COA1: variants seen among roughly 807,000 people sequenced by gnomAD.
COA1 encodes cytochrome c oxidase assembly factor 1 homolog.
COA1 carries 13 observed loss-of-function variants against 16.0 expected under a neutral mutation model. The ratio of observed to expected loss-of-function variants is 0.81; its 90% confidence interval spans 0.53 to 1.29. The LOEUF (loss-of-function observed/expected upper bound fraction) is 1.29, where lower values mean the gene tolerates loss of function less well. Among genes scored for constraint, COA1 ranks in the 50% most tolerant of loss-of-function variants. COA1 has a pLI of 0.00. For missense variants in COA1, 179 were observed against 177.0 expected (o/e 1.01, Z -0.06); for synonymous variants, 65 against 65.7 (o/e 0.99, Z 0.05).
intron 1 of COA1, among the ~76,000 whole-genome samples, chr7:43,678,649 G>A (rs1264753111): frequency 3.3e-5 from 5 of 152,046 alleles, no homozygotes; most frequent in Non-Finnish European, 7.4e-5. Flanking sequence ...AATGGGAAGA[G>A]GATTTGAACA....
In COA1 at chr7:43,647,679, G is replaced by A. The variant is rs201590162; in HGVS notation, c.16-45C>T. The A allele has an allele frequency of 3.9e-5, 59 of 1,502,334 alleles. No individual in the cohort carries two copies. The East Asian group carries it at 1.2e-3, about 30-fold the overall frequency. 93.1% of individuals were successfully genotyped at this position (1,502,334 alleles called of 1,614,324 possible). A position where few individuals can be genotyped will look rare whatever the true frequency, so the allele number is the denominator to read the frequency against. On this transcript the variant is annotated intron_variant, in intron 2 of 5. Transcript: ENST00000223336. ...AATTTATTGTAGGATTCCCAGTTTT[G>A]TGCCAAGGGGATTTGCCCGGCTTGG...
chr7:43,723,073 G>A (rs977297170), intron 1 of COA1, among the ~76,000 whole-genome samples: 1 of 152,196 alleles, frequency 6.6e-6, no homozygotes, highest in Non-Finnish European at 1.5e-5. Flanking sequence ...ATATTAAACT[G>A]AGACCTTATG....
At chr7:43,658,369 T>A (rs1400817912) in intron 1 of COA1, among the ~76,000 whole-genome samples, 4 of 150,352 alleles carry the variant, frequency 2.7e-5, no homozygotes, top group Non-Finnish European at 5.9e-5. Context: ...AAAAAAAAAA[T>A]TTACCACTGA....
intron 6 of COA1, among the ~76,000 whole-genome samples, chr7:43,612,607 A>C (rs10264657): frequency 0.15 from 22,159 of 152,298 alleles, 2,182 homozygotes; most frequent in Non-Finnish European, 0.21. Context: ...ATGCTGGTTA[A>C]AATGGGAAAC....
chr7:43,710,171 G>C (rs2095169781), intron 1 of COA1, among the ~76,000 whole-genome samples: 1 of 148,624 alleles, frequency 6.7e-6, no homozygotes, highest in Non-Finnish European at 1.5e-5. Flanking sequence ...CCAACATGGT[G>C]AAACCCTGCC....
chr7:43,697,166 A>C (rs2094557089), intron 1 of COA1, among the ~76,000 whole-genome samples: 1 of 152,148 alleles, frequency 6.6e-6, no homozygotes. Context: ...AGCCTGGCAA[A>C]TATGTAAAAA....
chr7:43,691,427 AAGAAAGAAAGAAAGAAAG>A (rs1563385884), intron 1 of COA1, among the ~76,000 whole-genome samples: 12 of 61,456 alleles, frequency 2.0e-4, no homozygotes, highest in African/African-American at 7.2e-4. Flanking sequence ...AAGAAAAAGA[AAGAAAGAAAGAAAGAAAG>A]AAAGAAAGAA....
Position 43,639,674 on chromosome 7 carries a change from G to C in COA1, c.349C>G (p.Leu117Val). The change falls in exon 6 of 6, where the codon CTT becomes GTT. Residue 117 changes from leucine (L) to valine (V), a missense_variant. Transcript: ENST00000223336. ...TTGAGCTCTAAAAAGACCTCGTCAA[G>C]GTGCCACCTGAGAGAAACCAAAAGT... ...SRGGPFQRWH[L>V]DEVFLELKDG... 1 of 1,613,606 alleles carries C rather than the reference G, an allele frequency of 6.2e-7. No homozygotes were observed. The highest frequency in any genetic ancestry group is 2.2e-5 in the East Asian group (1 of 44,870).
chr7:43,718,431 T>A (rs1199581162), intron 1 of COA1, among the ~76,000 whole-genome samples: 1 of 152,208 alleles, frequency 6.6e-6, no homozygotes, highest in Non-Finnish European at 1.5e-5. Flanking sequence ...TCACATCTAA[T>A]ACTATTGACC....
chr7:43,624,023 A>T, intron 6 of COA1: 1 of 600,682 alleles, frequency 1.7e-6, no homozygotes, highest in Non-Finnish European at 2.5e-6. Context: ...TAATGGAAAC[A>T]CAAAAATGTT....
intron 1 of COA1, among the ~76,000 whole-genome samples, chr7:43,720,773 G>C (rs1199125324): frequency 6.6e-6 from 1 of 152,206 alleles, no homozygotes; most frequent in East Asian, 1.9e-4. Context: ...TATACTGCCA[G>C]ACATTAAGTT....
At chr7:43,610,879 G>A (rs932508330) in intron 6 of COA1, among the ~76,000 whole-genome samples, 2 of 152,156 alleles carry the variant, frequency 1.3e-5, no homozygotes, top group African/African-American at 4.8e-5. Context: ...CACTTTGGGA[G>A]GTCAAGGAGG....
At chr7:43,665,137 A>T (rs1447972800) in intron 1 of COA1, among the ~76,000 whole-genome samples, 6 of 152,210 alleles carry the variant, frequency 3.9e-5, no homozygotes, top group Non-Finnish European at 7.3e-5. Flanking sequence ...TGGTGGAAAA[A>T]AAAATTTCAT....
chr7:43,645,186 G>A (rs989864759), intron 4 of COA1, 65 bp downstream of exon 4: 1 of 1,520,424 alleles, frequency 6.6e-7, no homozygotes, highest in Non-Finnish European at 9.0e-7. Flanking sequence ...GACTTTCCAG[G>A]AGACAGTAGA....
chr7:43,706,906 C>T (rs886564552), intron 1 of COA1, among the ~76,000 whole-genome samples: 3 of 151,876 alleles, frequency 2.0e-5, no homozygotes, highest in African/African-American at 7.3e-5. Context: ...CATGGTGGCT[C>T]ACACCTGTAA....
chr7:43,616,431 G>A lies in COA1; in HGVS notation c.*134-6936C>T, dbSNP rs78776011. 9.4e-3 allele frequency among the ~76,000 whole-genome samples: 1,435 copies of A among 152,238 alleles called. 95 individuals carry two copies. The East Asian group carries it at 0.19, about 21-fold the overall frequency. ...TCATTCACCCAACAAATATAAATGT[G>A]TGGTAGGCACTGATCACAGTGACAA... On this transcript the variant is annotated intron_variant and NMD_transcript_variant, in intron 6 of 6. Coordinates refer to the COA1 transcript ENST00000415076.
chr7:43,720,173 G>T (rs1057370717), intron 1 of COA1, among the ~76,000 whole-genome samples: 1 of 152,026 alleles, frequency 6.6e-6, no homozygotes, highest in Admixed American at 6.6e-5. Flanking sequence ...CAGCTACTCG[G>T]GAGGCTGAGG....
intron 4 of COA1, among the ~76,000 whole-genome samples, chr7:43,644,759 T>TAGATAGATAGATAGGC (rs1232562622): frequency 9.6e-5 from 11 of 114,616 alleles, no homozygotes; most frequent in South Asian, 5.5e-4. Context: ...GATAGATAGA[T>TAGATAGATAGATAGGC]AGGCAGGCAG....
intron 1 of COA1, among the ~76,000 whole-genome samples, chr7:43,713,107 A>G (rs1221040109): frequency 6.6e-6 from 1 of 152,018 alleles, no homozygotes; most frequent in Non-Finnish European, 1.5e-5. Flanking sequence ...ATGCACCACC[A>G]TGCCTGGCTA....
Sources: gnomAD v4.1 joint callset for allele counts (sites outside exome capture counted in the v4.1 genomes callset) on GRCh38, gnomAD v4.1.1 for gene constraint, MANE v1.5 for transcripts, NCBI Gene and HGNC (gene_info 2026-07-23, HGNC 2026-07-21) for gene names.